CRYBA4: variants seen among roughly 807,000 people sequenced by gnomAD.
The protein encoded by CRYBA4 is crystallin beta A4, also known as beta-crystallin A4.
A neutral mutation model predicts 31.7 loss-of-function variants in CRYBA4; 30 were observed. The observed-to-expected ratio is 0.95, with a 90% CI of 0.71 to 1.28. The LOEUF (loss-of-function observed/expected upper bound fraction) is 1.28. Among genes scored for constraint, CRYBA4 ranks in the 50% most tolerant of loss-of-function variants. CRYBA4 has a pLI of 0.00. For missense variants in CRYBA4, 225 were observed against 260.7 expected (o/e 0.86, Z 0.94); for synonymous variants, 102 against 102.3 (o/e 1.00, Z 0.02).
chr22:26,612,876 T>C, the CRYBA4 span, among the ~76,000 whole-genome samples: 6 of 152,312 alleles, frequency 3.9e-5, no homozygotes, highest in East Asian at 1.2e-3. Flanking sequence ...CTTCTCTGAT[T>C]GCCCCTTCCT....
At chr22:26,615,609 G>T in the CRYBA4 span, among the ~76,000 whole-genome samples, 3 of 152,066 alleles carry the variant, frequency 2.0e-5, no homozygotes, top group Non-Finnish European at 4.4e-5. Flanking sequence ...CGCCTCCTGG[G>T]TTCAAGTGAT....
upstream of CRYBA4, among the ~76,000 whole-genome samples, chr22:26,619,944 C>G (rs1428230628): frequency 6.6e-6 from 1 of 151,476 alleles, no homozygotes; most frequent in Non-Finnish European, 1.5e-5. Flanking sequence ...TTCATTATAT[C>G]TTTTTCTTTT....
At chr22:26,609,179 C>T in the CRYBA4 span, among the ~76,000 whole-genome samples, 4 of 152,176 alleles carry the variant, frequency 2.6e-5, no homozygotes, top group African/African-American at 9.7e-5. Flanking sequence ...GGACCCTGCT[C>T]TCCCCAGAAG....
chr22:26,606,692 T>A, the CRYBA4 span, among the ~76,000 whole-genome samples: 1 of 152,228 alleles, frequency 6.6e-6, no homozygotes, highest in Non-Finnish European at 1.5e-5. Flanking sequence ...AATAATCCAT[T>A]AAGATAAATT....
the CRYBA4 span, chr22:26,602,037 C>A: frequency 6.2e-7 from 1 of 1,613,016 alleles, no homozygotes; most frequent in East Asian, 2.2e-5. Flanking sequence ...GAAAGAGAGG[C>A]CGGGTCAGGT....
chr22:26,618,473 T>C (rs1340726747), upstream of CRYBA4, among the ~76,000 whole-genome samples: 1 of 152,204 alleles, frequency 6.6e-6, no homozygotes, highest in African/African-American at 2.4e-5. Flanking sequence ...GGATGCCATA[T>C]AGAAAAGAAG....
At chr22:26,627,864 T>A (rs887776973) in intron 4 of CRYBA4, among the ~76,000 whole-genome samples, 6 of 152,084 alleles carry the variant, frequency 3.9e-5, no homozygotes, top group African/African-American at 1.4e-4. Flanking sequence ...GTCGGGCTGG[T>A]CTTGAACTCC....
At chr22:26,614,454 C>T in the CRYBA4 span, among the ~76,000 whole-genome samples, 1 of 152,278 alleles carries the variant, frequency 6.6e-6, no homozygotes, top group Non-Finnish European at 1.5e-5. Flanking sequence ...GGGCAGGTTC[C>T]CCGATACCAG....
At chr22:26,614,079 C>G in the CRYBA4 span, among the ~76,000 whole-genome samples, 3 of 152,148 alleles carry the variant, frequency 2.0e-5, no homozygotes, top group East Asian at 3.8e-4. Context: ...ATCTCAAAAC[C>G]CTGTCTCCTG....
chr22:26,625,415 T>A, intron 3 of CRYBA4, 66 bp from the exon 4 acceptor site: 2 of 1,577,702 alleles, frequency 1.3e-6, no homozygotes, highest in Non-Finnish European at 1.7e-6. Context: ...CTAGACCCAA[T>A]TGCTGGTCTA....
chr22:26,616,168 G>T, the CRYBA4 span: 89 of 1,614,186 alleles, frequency 5.5e-5, no homozygotes, highest in African/African-American at 1.2e-3. Flanking sequence ...CAGTTCCGCC[G>T]CCTTGGCGCT....
At chr22:26,595,309 G>C in the CRYBA4 span, among the ~76,000 whole-genome samples, 2 of 152,030 alleles carry the variant, frequency 1.3e-5, no homozygotes, top group African/African-American at 4.8e-5. Flanking sequence ...AGGCGCAGTG[G>C]CTTACGCCTG....
the CRYBA4 span, among the ~76,000 whole-genome samples, chr22:26,614,406 C>T: frequency 2.6e-5 from 4 of 152,080 alleles, no homozygotes; most frequent in Non-Finnish European, 4.4e-5. Flanking sequence ...AGCTGGCCGA[C>T]GCTTAGGAAA....
At chr22:26,618,788 G>T (rs1929446078), upstream of CRYBA4, among the ~76,000 whole-genome samples, 1 of 152,220 alleles carries the variant, frequency 6.6e-6, no homozygotes, top group African/African-American at 2.4e-5. Context: ...GGGTGGGAAT[G>T]GGAGAGTCGC....
intron 4 of CRYBA4, among the ~76,000 whole-genome samples, chr22:26,627,164 A>G (rs761879964): frequency 3.3e-5 from 5 of 152,158 alleles, no homozygotes; most frequent in Non-Finnish European, 7.3e-5. Context: ...AGAACCCTGA[A>G]AAATGGGTAG....
At chr22:26,598,206 G>A in the CRYBA4 span, among the ~76,000 whole-genome samples, 2 of 151,964 alleles carry the variant, frequency 1.3e-5, no homozygotes, top group African/African-American at 4.8e-5. Flanking sequence ...TTCAACACTG[G>A]CTAATCTCCC....
the CRYBA4 span, chr22:26,590,254 G>A: frequency 1.3e-5 from 2 of 149,012 alleles, no homozygotes; most frequent in Non-Finnish European, 3.0e-5. Flanking sequence ...AGCAGAGGCT[G>A]GTCGGGAAGT....
chr22:26,621,098 T>C (rs1020025867), upstream of CRYBA4, among the ~76,000 whole-genome samples: 1 of 152,182 alleles, frequency 6.6e-6, no homozygotes, highest in Non-Finnish European at 1.5e-5. Context: ...AGGTCCCTCA[T>C]ACGCCAATTC....
chr22:26,624,992 G>A (rs960744929), intron 3 of CRYBA4, among the ~76,000 whole-genome samples: 2 of 152,178 alleles, frequency 1.3e-5, no homozygotes, highest in African/African-American at 2.4e-5. Flanking sequence ...CCATGCGGTC[G>A]CTCCTTGCAA....
Sources: gnomAD v4.1 joint callset for allele counts (sites outside exome capture counted in the v4.1 genomes callset) on GRCh38, gnomAD v4.1.1 for gene constraint, MANE v1.5 for transcripts, NCBI Gene and HGNC (gene_info 2026-07-23, HGNC 2026-07-21) for gene names.